The following PRDM7 variants were observed in gnomAD, a reference collection of about 807,000 sequenced individuals.
PRDM7 encodes the protein histone-lysine N-methyltransferase PRDM7.
In PRDM7, 52 loss-of-function variants were observed where a neutral mutation model predicts 64.3. That is an observed-to-expected ratio of 0.81 (90% CI 0.65 to 1.02). The LOEUF is 1.02. Among genes scored for constraint, PRDM7 ranks in the 50% least tolerant of loss-of-function variants. PRDM7 has a pLI of 0.00. For missense variants in PRDM7, 574 were observed against 597.1 expected (o/e 0.96, Z 0.40); for synonymous variants, 192 against 210.1 (o/e 0.91, Z 0.74).
In PRDM7 at chr16:90,060,413, C is replaced by T. The variant is rs1397812120; in HGVS notation, c.1161G>A (p.Met387Ile). The change falls in exon 10 of 11, where the codon ATG (methionine) becomes ATA (isoleucine). Residue 387 changes from methionine to isoleucine, a missense_variant. Transcript: ENST00000449207. ...LGQAVNCWSG[M>I]GMSMARNWAS... ...CCCAGTTCCTGGCCATACTCATCCC[C>T]ATACCAGACCAGCAGTTCACAGCCT... is the stretch of plus-strand genomic sequence containing the variant. The T allele has an allele frequency of 1.9e-6, 3 of 1,613,754 alleles. No homozygotes were observed. Among genetic ancestry groups the T allele is most frequent in the Middle Eastern group, 1.6e-4 (1 of 6,078 alleles).
chr16:90,062,119 A>C lies in PRDM7; in HGVS notation c.684T>G (p.Ser228Arg), dbSNP rs2037789843. The C allele has an allele frequency of 6.2e-7, 1 of 1,614,128 alleles. No homozygotes were observed. The highest frequency in any genetic ancestry group is 1.3e-5 in the African/African-American group (1 of 74,938). ...GGTTGGGATGCCCCTTGTCCACTGCACTGTCCTTTACAAATGTAGGGGGCC... is the reference window on the plus strand; with the variant it reads ...GGTTGGGATGCCCCTTGTCCACTGCCCTGTCCTTTACAAATGTAGGGGGCC... ...AHGPPTFVKDSAVDKGHPNRS... is the reference protein window; with the variant it reads ...AHGPPTFVKDRAVDKGHPNRS... The change falls in exon 8 of 11, where the codon AGT becomes AGG. Residue 228 changes from serine to arginine, a missense_variant. Transcript: ENST00000449207.
intron 4 of PRDM7, among the ~76,000 whole-genome samples, chr16:90,067,917 CGAT>C (rs2037901930): frequency 6.6e-6 from 1 of 151,040 alleles, no homozygotes; most frequent in Non-Finnish European, 1.5e-5. Flanking sequence ...ACATCATAGT[CGAT>C]GATGAAAAAC....
chr16:90,074,305 TCA>T (rs2038003777), intron 4 of PRDM7, among the ~76,000 whole-genome samples: 1 of 151,348 alleles, frequency 6.6e-6, no homozygotes, highest in Admixed American at 6.6e-5. Flanking sequence ...ATCATCATCA[TCA>T]TCATCATCAT....
In PRDM7 at chr16:90,057,695, A is replaced by G. The variant is rs2037705338; in HGVS notation, c.*594T>C. 2.5e-6 allele frequency: 3 copies of G among 1,179,952 alleles called. No individual in the cohort carries two copies. Among genetic ancestry groups the G allele is most frequent in the Non-Finnish European group, 3.2e-6 (3 of 930,080 alleles). 73.1% of individuals were successfully genotyped at this position (1,179,952 alleles called of 1,614,324 possible). On this transcript the variant is annotated 3_prime_UTR_variant, in exon 11 of 11. Transcript: ENST00000449207. ...AAGTGGCGGATTTGTTTAATTAGTT[A>G]TTTCCGATCTCTTTACACTCTCGGG...
Position 90,057,924 on chromosome 16 carries a change from C to A in PRDM7, c.*365G>T. On this transcript the variant is annotated 3_prime_UTR_variant, in exon 11 of 11. Transcript: ENST00000449207. ...ACTGACTTCCGGCTAAAGCCCCGCT[C>A]ACACTCTCTGCAGACATAAGGCTTC... The A allele has an allele frequency of 1.3e-6, 2 of 1,582,082 alleles. No individual in the cohort carries two copies. Among genetic ancestry groups the A allele is most frequent in the Non-Finnish European group, 1.7e-6 (2 of 1,158,734 alleles).
chr16:90,063,017 T>C (rs1485098764), intron 6 of PRDM7, among the ~76,000 whole-genome samples: 1 of 152,266 alleles, frequency 6.6e-6, no homozygotes, highest in Non-Finnish European at 1.5e-5. Context: ...GAGCTCTATA[T>C]ACTTGGTCTC....
At chr16:90,060,282 A>T in intron 10 of PRDM7, 59 bp downstream of exon 10, 2 of 1,613,014 alleles carry the variant, frequency 1.2e-6, no homozygotes, top group Non-Finnish European at 1.7e-6. Flanking sequence ...CAATCATGAA[A>T]ATTCTCTAGG....
In PRDM7 at chr16:90,063,743, T is replaced by G; in HGVS notation, c.377A>C (p.Asn126Thr). 1.9e-6 allele frequency: 3 copies of G among 1,614,242 alleles called. No individual in the cohort carries two copies. The highest frequency in any genetic ancestry group is 2.5e-6 in the Non-Finnish European group (3 of 1,180,028). The change falls in exon 6 of 11, where the codon AAT becomes ACT. Residue 126 changes from asparagine (N) to threonine (T), a missense_variant. Transcript: ENST00000449207. ...TGACAATTCTCTCAAACTAGATTCATTATTGAATGACGCCTTGGGCATTCC... is the reference window on the plus strand; with the variant it reads ...TGACAATTCTCTCAAACTAGATTCAGTATTGAATGACGCCTTGGGCATTCC... ...QKGMPKASFN[N>T]ESSLRELSGT...
chr16:90,063,160 C>A (rs1191855849), intron 6 of PRDM7, among the ~76,000 whole-genome samples: 1 of 152,096 alleles, frequency 6.6e-6, no homozygotes, highest in Non-Finnish European at 1.5e-5. Context: ...AATACTGTAT[C>A]CAAGGCTAGG....
At chr16:90,066,238 A>T (rs2037870454) in intron 5 of PRDM7, among the ~76,000 whole-genome samples, 1 of 151,312 alleles carries the variant, frequency 6.6e-6, no homozygotes, top group Non-Finnish European at 1.5e-5. Context: ...TGGGTCCCTT[A>T]TGAGGGTAGG....
chr16:90,069,553 C>A (rs1396979336), intron 4 of PRDM7, among the ~76,000 whole-genome samples: 1 of 151,234 alleles, frequency 6.6e-6, no homozygotes, highest in Non-Finnish European at 1.5e-5. Flanking sequence ...AGAAAACAAT[C>A]AACACAGTGT....
intron 9 of PRDM7, 123 bp from the exon 10 acceptor site, chr16:90,060,746 C>T (rs2037761959): frequency 1.4e-6 from 2 of 1,399,588 alleles, no homozygotes; most frequent in African/African-American, 2.8e-5. Flanking sequence ...TTTTTCAAAG[C>T]CCAACTCCAG....
chr16:90,060,765 C>A, intron 9 of PRDM7, 142 bp from the exon 10 acceptor site: 6 of 1,184,494 alleles, frequency 5.1e-6, no homozygotes, highest in Non-Finnish European at 7.5e-6. Context: ...AGACTTACCT[C>A]CACCTTGATT....
chr16:90,064,783 A>G (rs1234587758), intron 5 of PRDM7, among the ~76,000 whole-genome samples: 2 of 150,034 alleles, frequency 1.3e-5, no homozygotes, highest in African/African-American at 5.0e-5. Flanking sequence ...CAGTGGCACG[A>G]TCTCAGCTAA....
At chr16:90,074,223 G>A (rs2038001298) in intron 4 of PRDM7, among the ~76,000 whole-genome samples, 1 of 151,846 alleles carries the variant, frequency 6.6e-6, no homozygotes, top group Admixed American at 6.6e-5. Context: ...TTGTGCCACT[G>A]CACTCCAGCC....
At position 90,062,384 on chromosome 16, in the gene PRDM7, C is replaced by G; in HGVS notation, c.610+17G>C. ...ACATAACAGCAAGCTGTGTGAGTGG[C>G]TGAAAGGGTCACTCACAGAGGTAGT... On this transcript the variant is annotated intron_variant, in intron 7 of 10. Transcript: ENST00000449207. 1 of 1,613,776 alleles carries G rather than the reference C, an allele frequency of 6.2e-7. No homozygotes were observed. Among genetic ancestry groups the G allele is most frequent in the Non-Finnish European group, 8.5e-7 (1 of 1,179,652 alleles).
In PRDM7 at chr16:90,075,711, C is replaced by G; in HGVS notation, c.69+131G>C. Reference sequence around the variant, plus strand: ...CTAGTGTTCTTTTCTCCCCCATGTCCTGGCCAGGACCAGCTGCCCCCATTC... The same window carrying G: ...CTAGTGTTCTTTTCTCCCCCATGTCGTGGCCAGGACCAGCTGCCCCCATTC... On this transcript the variant is annotated intron_variant, in intron 2 of 10. Transcript: ENST00000449207. The surrounding 1 kb of genome is among the most constrained non-coding windows in gnomAD (Gnocchi z 4.3). 7.6e-7 allele frequency: 1 copy of G among 1,323,916 alleles called. No homozygotes were observed. The highest frequency in any genetic ancestry group is 1.1e-6 in the Non-Finnish European group (1 of 945,814). The allele number at this position is 1,323,916 out of a possible 1,614,324, so 82.0% of individuals were successfully genotyped here. A position where few individuals can be genotyped will look rare whatever the true frequency, so the allele number is the denominator to read the frequency against.
At chr16:90,074,374 C>T (rs575994454) in intron 4 of PRDM7, among the ~76,000 whole-genome samples, 3 of 151,984 alleles carry the variant, frequency 2.0e-5, no homozygotes, top group South Asian at 4.2e-4. Context: ...GCCAGGAATT[C>T]GAGACCAGCC....
At chr16:90,068,649 A>AG (rs575511189) in intron 4 of PRDM7, among the ~76,000 whole-genome samples, 259 of 148,464 alleles carry the variant, frequency 1.7e-3, no homozygotes, top group South Asian at 3.0e-3. Flanking sequence ...AAAAAAAAAA[A>AG]AAAGAAGTAA....
Sources: gnomAD v4.1 joint callset for allele counts (sites outside exome capture counted in the v4.1 genomes callset) on GRCh38, gnomAD v4.1.1 for gene constraint, Gnocchi (gnomAD v3.1) non-coding constraint, MANE v1.5 for transcripts, NCBI Gene and HGNC (gene_info 2026-07-23, HGNC 2026-07-21) for gene names.